Variants in GRID2 observed in about 807,000 individuals in gnomAD.
The protein encoded by GRID2 is glutamate receptor ionotropic, delta-2.
Under a neutral mutation model 114.8 loss-of-function variants are expected in GRID2, and 33 were observed. The ratio of observed to expected loss-of-function variants is 0.29; its 90% CI spans 0.22 to 0.38. GRID2 has a LOEUF of 0.38. Among genes scored for constraint, GRID2 ranks in the 10% least tolerant of loss-of-function variants. GRID2 has a pLI of 1.00. For missense variants in GRID2, 1,184 were observed against 1,257.7 expected, an observed-to-expected ratio of 0.94 and a Z score of 0.89; for synonymous variants, 505 against 449.9, an observed-to-expected ratio of 1.12 and a Z score of -1.55.
intron 3 of GRID2, among the ~76,000 whole-genome samples, chr4:93,100,419 T>C (rs1177874526): frequency 6.6e-6 from 1 of 151,998 alleles, no homozygotes; most frequent in African/African-American, 2.4e-5. Context: ...AAATTCTTTT[T>C]GAAGTGAAGT....
intron 5 of GRID2, among the ~76,000 whole-genome samples, chr4:93,213,468 G>A (rs1743809174): frequency 6.6e-6 from 1 of 152,062 alleles, no homozygotes; most frequent in South Asian, 2.1e-4. Context: ...TAAGTCTTTA[G>A]AAGATGATAA....
At chr4:92,493,788 A>T (rs1175984213) in intron 1 of GRID2, among the ~76,000 whole-genome samples, 3 of 152,114 alleles carry the variant, frequency 2.0e-5, no homozygotes, top group Non-Finnish European at 4.4e-5. Flanking sequence ...GAACAGTTTG[A>T]CCTTTTTTAG....
intron 2 of GRID2, among the ~76,000 whole-genome samples, chr4:92,864,636 C>T (rs183185716): frequency 1.1e-3 from 163 of 152,228 alleles, no homozygotes; most frequent in Admixed American, 2.9e-3. Flanking sequence ...TGTAGCCTTC[C>T]AGATATTAGG....
At position 92,441,219 on chromosome 4, in the gene GRID2, G is replaced by A. The variant is rs62304364; in HGVS notation, c.88+136475G>A. Among the ~76,000 whole-genome samples the A allele has an allele frequency of 1.8e-4, 28 of 152,244 alleles. 1 individual carries two copies. The East Asian group carries it at 2.7e-3, about 15-fold the overall frequency. On this transcript the variant is annotated intron_variant, in intron 1 of 15. Coordinates refer to ENST00000282020, the MANE Select transcript of GRID2 (RefSeq NM_001510.4). ...GGTGTTTGGGTTTGAGAGATCGGTC[G>A]GACAAGATTGGCAGGGAGAGCACGT...
chr4:93,320,610 G>A (rs1045827393), intron 8 of GRID2, among the ~76,000 whole-genome samples: 54 of 152,044 alleles, frequency 3.6e-4, no homozygotes, highest in African/African-American at 1.3e-3. Flanking sequence ...AGCTATGCTA[G>A]AAGGTACAGC....
intron 1 of GRID2, among the ~76,000 whole-genome samples, chr4:92,389,854 A>G (rs1299768537): frequency 6.6e-6 from 1 of 152,070 alleles, no homozygotes; most frequent in African/African-American, 2.4e-5. Flanking sequence ...ATATTATTCT[A>G]AAGGTTCATT....
chr4:92,541,836 T>C (rs996752683), intron 1 of GRID2, among the ~76,000 whole-genome samples: 1 of 152,110 alleles, frequency 6.6e-6, no homozygotes, highest in Non-Finnish European at 1.5e-5. Flanking sequence ...TGTTCACCTT[T>C]CACCTGGAAT....
chr4:92,605,571 G>C (rs2149223173), intron 2 of GRID2, among the ~76,000 whole-genome samples: 1 of 152,156 alleles, frequency 6.6e-6, no homozygotes, highest in South Asian at 2.1e-4. Context: ...ATAAGATGAT[G>C]ATGATGGATG....
chr4:92,762,134 C>G (rs556902001), intron 2 of GRID2, among the ~76,000 whole-genome samples: 1 of 151,922 alleles, frequency 6.6e-6, no homozygotes, highest in Non-Finnish European at 1.5e-5. Flanking sequence ...AGGATGGTCT[C>G]CATCTCCTGA....
chr4:92,578,594 A>G (rs1728019199), intron 1 of GRID2, among the ~76,000 whole-genome samples: 1 of 152,096 alleles, frequency 6.6e-6, no homozygotes, highest in South Asian at 2.1e-4. Context: ...TCAGAAATTT[A>G]TGGAAGCATG....
intron 1 of GRID2, among the ~76,000 whole-genome samples, chr4:92,349,537 T>C (rs1163793665): frequency 6.6e-6 from 1 of 151,696 alleles, no homozygotes; most frequent in Non-Finnish European, 1.5e-5. Context: ...AAGATTTTAC[T>C]TTTATTTAAA....
At chr4:93,189,331 A>T (rs1740746030) in intron 4 of GRID2, among the ~76,000 whole-genome samples, 1 of 152,164 alleles carries the variant, frequency 6.6e-6, no homozygotes, top group South Asian at 2.1e-4. Flanking sequence ...TCTACTTTAA[A>T]TTGGTGCCTT....
At chr4:93,791,407 A>C (rs1734691865) in intron 1 of GRID2, among the ~76,000 whole-genome samples, 1 of 152,160 alleles carries the variant, frequency 6.6e-6, no homozygotes, top group South Asian at 2.1e-4. Context: ...AAAAGGTCAT[A>C]TCCAAGGCAA....
At chr4:93,078,899 G>A (rs1729608034) in intron 2 of GRID2, among the ~76,000 whole-genome samples, 1 of 144,030 alleles carries the variant, frequency 6.9e-6, no homozygotes, top group East Asian at 2.0e-4. Flanking sequence ...ACTAATTTTT[G>A]TCTTGTATTT....
chr4:93,155,839 G>A (rs1050476673), intron 4 of GRID2, among the ~76,000 whole-genome samples: 1 of 151,692 alleles, frequency 6.6e-6, no homozygotes, highest in African/African-American at 2.4e-5. Flanking sequence ...AGGGCATGGG[G>A]GGTAGTGGTG....
At chr4:93,658,910 T>C (rs1040306444) in intron 14 of GRID2, among the ~76,000 whole-genome samples, 2 of 152,090 alleles carry the variant, frequency 1.3e-5, no homozygotes, top group African/African-American at 4.8e-5. Flanking sequence ...TAACAAACCT[T>C]TGTAATCAGT....
chr4:92,454,937 G>C (rs1008680525), intron 1 of GRID2, among the ~76,000 whole-genome samples: 8 of 152,240 alleles, frequency 5.3e-5, no homozygotes, highest in Admixed American at 4.6e-4. Flanking sequence ...AACCAAACTA[G>C]AGTATTTAAA....
intron 2 of GRID2, among the ~76,000 whole-genome samples, chr4:92,735,749 T>A (rs909919120): frequency 2.6e-5 from 4 of 152,266 alleles, no homozygotes; most frequent in African/African-American, 9.6e-5. Context: ...TTCTTTTTTT[T>A]ATTTTATATC....
At chr4:93,122,912 T>TTTTTTTTTTTTA (rs1733926110) in intron 4 of GRID2, among the ~76,000 whole-genome samples, 2 of 147,588 alleles carry the variant, frequency 1.4e-5, no homozygotes, top group Non-Finnish European at 1.5e-5. Context: ...TTTTTTTTTT[T>TTTTTTTTTTTTA]GATGAGAAAG....
Sources: gnomAD v4.1 joint callset for allele counts (sites outside exome capture counted in the v4.1 genomes callset) on GRCh38, gnomAD v4.1.1 for gene constraint, MANE v1.5 for transcripts, NCBI Gene and HGNC (gene_info 2026-07-23, HGNC 2026-07-21) for gene names.